Variants in NAV3 observed in about 807,000 individuals in gnomAD.
NAV3 encodes neuron navigator 3, also known as pore membrane and/or filament interacting like protein 1.
NAV3 carries 87 observed loss-of-function variants against 244.7 expected under a neutral mutation model. The observed-to-expected ratio is 0.36, with a 90% CI of 0.30 to 0.42. The LOEUF (loss-of-function observed/expected upper bound fraction) is 0.42, where lower values mean the gene tolerates loss of function less well. Ranked by LOEUF, NAV3 falls within the 20% of genes least tolerant of loss-of-function variation. The pLI, the probability that NAV3 is intolerant of heterozygous loss-of-function variation, is 1.00. For synonymous variants in NAV3, 1,126 were observed against 1,042.2 expected, an observed-to-expected ratio of 1.08 and a Z score of -1.55; for missense variants, 2,663 against 2,893.3, an observed-to-expected ratio of 0.92 and a Z score of 1.83.
chr12:77,595,185 G>A (rs191695067), intron 2 of NAV3, among the ~76,000 whole-genome samples: 192 of 152,096 alleles, frequency 1.3e-3, no homozygotes, highest in East Asian at 1.9e-3. Flanking sequence ...AACGGATAAA[G>A]ACATTGTAGT....
At chr12:77,831,820 G>A (rs1356608883) in intron 1 of NAV3, 116 bp downstream of exon 1, 2 of 1,169,216 alleles carry the variant, frequency 1.7e-6, no homozygotes, top group East Asian at 2.6e-5. Context: ...GTGTAAGGAT[G>A]TAAGTAGTTA....
At chr12:77,670,458 GTACCAAAAC>G (rs1478265061) in intron 2 of NAV3, among the ~76,000 whole-genome samples, 1 of 151,906 alleles carries the variant, frequency 6.6e-6, no homozygotes, top group Non-Finnish European at 1.5e-5. Flanking sequence ...TATCACTCTA[GTACCAAAAC>G]TAGGGAAAGA....
chr12:77,842,149 A>G (rs1165970689), intron 1 of NAV3, among the ~76,000 whole-genome samples: 2 of 152,198 alleles, frequency 1.3e-5, no homozygotes, highest in Non-Finnish European at 2.9e-5. Flanking sequence ...CTTTTAAAGC[A>G]AAACACTGAA....
At chr12:78,045,292 G>A (rs114077064) in intron 9 of NAV3, among the ~76,000 whole-genome samples, 5,067 of 152,066 alleles carry the variant, frequency 0.033, 293 homozygotes, top group African/African-American at 0.11. Flanking sequence ...CTTGATCGTG[G>A]TGGATAAGCT....
At chr12:77,868,278 T>C (rs1182002247) in intron 1 of NAV3, among the ~76,000 whole-genome samples, 1 of 152,144 alleles carries the variant, frequency 6.6e-6, no homozygotes, top group Non-Finnish European at 1.5e-5. Context: ...AATAATTGTA[T>C]GAGTGCCTTA....
chr12:77,901,447 C>T (rs1206886657), intron 1 of NAV3, among the ~76,000 whole-genome samples: 3 of 152,092 alleles, frequency 2.0e-5, no homozygotes, highest in Non-Finnish European at 2.9e-5. Context: ...TGGTGGCTCA[C>T]GCCTGGAATC....
chr12:77,644,107 A>C (rs963456745), intron 2 of NAV3, among the ~76,000 whole-genome samples: 18 of 152,242 alleles, frequency 1.2e-4, no homozygotes, highest in African/African-American at 4.3e-4. Context: ...CTGGAGATCA[A>C]GGGGTTCAAT....
intron 20 of NAV3, among the ~76,000 whole-genome samples, chr12:78,141,053 A>G (rs1180181909): frequency 2.0e-5 from 3 of 151,860 alleles, no homozygotes; most frequent in Non-Finnish European, 4.4e-5. Context: ...CACCATGCCC[A>G]GCTAATTTTT....
intron 5 of NAV3, among the ~76,000 whole-genome samples, chr12:77,969,222 G>T (rs536385161): frequency 1.3e-5 from 2 of 151,400 alleles, no homozygotes; most frequent in Admixed American, 6.6e-5. Context: ...TATTTGTCTG[G>T]CTTGAGTCTT....
At chr12:77,918,088 G>A (rs1257119369) in intron 1 of NAV3, among the ~76,000 whole-genome samples, 1 of 152,024 alleles carries the variant, frequency 6.6e-6, no homozygotes, top group East Asian at 1.9e-4. Flanking sequence ...GTTAAGACTT[G>A]AGTTTATACC....
chr12:77,966,964 A>G (rs1892578266), intron 4 of NAV3, among the ~76,000 whole-genome samples: 1 of 152,100 alleles, frequency 6.6e-6, no homozygotes, highest in African/African-American at 2.4e-5. Flanking sequence ...TACACTTAAG[A>G]TAAAATTTGC....
intron 12 of NAV3, among the ~76,000 whole-genome samples, chr12:78,110,540 C>A (rs749695650): frequency 2.6e-5 from 4 of 151,538 alleles, no homozygotes; most frequent in Admixed American, 1.3e-4. Context: ...ATGCATGTAA[C>A]AAAATTGAAC....
intron 11 of NAV3, 119 bp downstream of exon 11, chr12:78,051,266 C>T: frequency 8.7e-7 from 1 of 1,150,872 alleles, no homozygotes; most frequent in South Asian, 1.6e-5. Flanking sequence ...TATGAGATAT[C>T]TGAGGTTATT....
At chr12:78,152,198 A>G (rs957371263) in intron 22 of NAV3, among the ~76,000 whole-genome samples, 3 of 151,792 alleles carry the variant, frequency 2.0e-5, no homozygotes, top group Non-Finnish European at 4.4e-5. Context: ...AAATGTACAA[A>G]TTGAATGACA....
chr12:78,188,576 T>C (rs1205891169), intron 32 of NAV3, 33 bp from the exon 33 acceptor site: 2 of 1,597,196 alleles, frequency 1.3e-6, no homozygotes, highest in East Asian at 2.2e-5. Flanking sequence ...TGAACCTCTG[T>C]TTTGATTTTA....
chr12:77,592,691 A>C (rs1163742055), intron 2 of NAV3, among the ~76,000 whole-genome samples: 1 of 152,124 alleles, frequency 6.6e-6, no homozygotes, highest in Non-Finnish European at 1.5e-5. Flanking sequence ...GTACTTTTTC[A>C]CGTACGCTAA....
At chr12:77,782,045 T>C (rs555081220) in intron 2 of NAV3, among the ~76,000 whole-genome samples, 2 of 152,206 alleles carry the variant, frequency 1.3e-5, no homozygotes, top group African/African-American at 4.8e-5. Flanking sequence ...TAAAAATATA[T>C]GTGCCACATT....
chr12:77,760,750 A>G (rs1869420394), intron 2 of NAV3, among the ~76,000 whole-genome samples: 1 of 152,178 alleles, frequency 6.6e-6, no homozygotes, highest in African/African-American at 2.4e-5. Flanking sequence ...AAGAGGGGGA[A>G]GAAGGTAGAA....
chr12:77,958,450 A>G (rs1035408305), intron 3 of NAV3, among the ~76,000 whole-genome samples: 1 of 152,176 alleles, frequency 6.6e-6, no homozygotes, highest in South Asian at 2.1e-4. Context: ...TATTAAGTAT[A>G]TAGGTAGAAA....
Sources: allele counts gnomAD v4.1 joint callset (sites outside exome capture counted in the v4.1 genomes callset), GRCh38; gene constraint gnomAD v4.1.1; transcripts MANE v1.5; gene names NCBI Gene and HGNC (gene_info 2026-07-23, HGNC 2026-07-21).